Variants in ARL17B observed in about 807,000 individuals in gnomAD.
ARL17B encodes the protein ARF like GTPase 17B, also known as ADP-ribosylation factor-like protein 17.
intron 4 of ARL17B, among the ~76,000 whole-genome samples, chr17:46,281,652 T>C (rs897493273): frequency 6.6e-5 from 10 of 152,176 alleles, no homozygotes; most frequent in Non-Finnish European, 1.5e-4. Context: ...TTGGGAATTT[T>C]TTCTTCTTCT....
At chr17:46,298,756 G>T (rs1354578077), downstream of ARL17B, among the ~76,000 whole-genome samples, 1 of 96,602 alleles carries the variant, frequency 1.0e-5, no homozygotes, top group Non-Finnish European at 2.1e-5. Flanking sequence ...TGATAGGAGG[G>T]AAGAAAGAGA....
intron 4 of ARL17B, among the ~76,000 whole-genome samples, chr17:46,282,048 G>T (rs573644289): frequency 6.6e-6 from 1 of 152,060 alleles, no homozygotes; most frequent in South Asian, 2.1e-4. Flanking sequence ...TAATTCCTTT[G>T]CTGAGAATAA....
intron 4 of ARL17B, among the ~76,000 whole-genome samples, chr17:46,277,198 C>T (rs1162065573): frequency 8.5e-5 from 13 of 152,188 alleles, no homozygotes; most frequent in Non-Finnish European, 1.5e-4. Flanking sequence ...TATTAAAAAG[C>T]TACATAAAAT....
intron 4 of ARL17B, among the ~76,000 whole-genome samples, chr17:46,287,398 TG>T (rs2049948434): frequency 6.6e-6 from 1 of 152,242 alleles, no homozygotes; most frequent in Non-Finnish European, 1.5e-5. Flanking sequence ...GGTTTAAAAA[TG>T]TATCTCACAA....
intron 4 of ARL17B, among the ~76,000 whole-genome samples, chr17:46,281,054 G>T (rs1216371146): frequency 2.0e-5 from 3 of 152,126 alleles, no homozygotes; most frequent in African/African-American, 7.2e-5. Flanking sequence ...AGCACTAAAT[G>T]TTGTAGCGGA....
At position 46,334,905 on chromosome 17, in the gene ARL17B, A is replaced by G. The variant is rs2052229755; in HGVS notation, c.*4595T>C. On this transcript the variant is annotated 3_prime_UTR_variant, in exon 4 of 4. Transcript: ENST00000450673. ...AAAGTACAATATAACAACTGTCAAC[A>G]ATGTACAATATGTATACATTTTATT... 7.8e-6 allele frequency: 1 copy of G among 128,762 alleles called. No individual in the cohort carries two copies. Among genetic ancestry groups the G allele is most frequent in the Non-Finnish European group, 1.7e-5 (1 of 57,926 alleles). The allele number at this position is 128,762 out of a possible 1,614,324, so 8.0% of individuals were successfully genotyped here. A position where few individuals can be genotyped will look rare whatever the true frequency, so the allele number is the denominator to read the frequency against.
At chr17:46,275,703 T>C (rs1567848264) in intron 4 of ARL17B, among the ~76,000 whole-genome samples, 1 of 152,202 alleles carries the variant, frequency 6.6e-6, no homozygotes, top group African/African-American at 2.4e-5. Context: ...ACTGGACAAA[T>C]AGAGACATTT....
chr17:46,344,654 CT>C (rs1156952613), intron 3 of ARL17B, among the ~76,000 whole-genome samples: 1 of 63,134 alleles, frequency 1.6e-5, no homozygotes, highest in East Asian at 3.9e-4. Flanking sequence ...CAAAAAATTA[CT>C]TTGCAATTTG....
At chr17:46,281,928 G>A (rs1410905249) in intron 4 of ARL17B, among the ~76,000 whole-genome samples, 4 of 151,728 alleles carry the variant, frequency 2.6e-5, no homozygotes, top group Non-Finnish European at 5.9e-5. Flanking sequence ...ACAGGCATGA[G>A]CCATCACGCC....
chr17:46,288,690 C>T (rs1393850509), intron 4 of ARL17B, among the ~76,000 whole-genome samples: 1 of 151,024 alleles, frequency 6.6e-6, no homozygotes, highest in Non-Finnish European at 1.5e-5. Context: ...GGCTTCTTTA[C>T]TGCATCTTGT....
intron 4 of ARL17B, among the ~76,000 whole-genome samples, chr17:46,290,001 G>A (rs1415762963): frequency 6.6e-6 from 1 of 152,224 alleles, no homozygotes; most frequent in Non-Finnish European, 1.5e-5. Context: ...TGCCTGTAGT[G>A]CCAACTACTT....
intron 3 of ARL17B, among the ~76,000 whole-genome samples, chr17:46,327,601 A>C (rs1478340908): frequency 1.1e-4 from 1 of 8,708 alleles, no homozygotes; most frequent in African/African-American, 2.0e-4. Flanking sequence ...ATAAAAAATA[A>C]TAATTTTCCC....
chr17:46,361,573 TTC>T, intron 1 of ARL17B, 101 bp downstream of exon 1: 1 of 68,062 alleles, frequency 1.5e-5, no homozygotes, highest in Non-Finnish European at 2.6e-5. Context: ...CCCAATCCCT[TTC>T]CGAAAGCCAC....
intron 2 of ARL17B, 24 bp from the exon 3 acceptor site, chr17:46,352,954 TTTAA>T (rs1282461263): frequency 1.8e-6 from 1 of 567,962 alleles, no homozygotes; most frequent in East Asian, 3.0e-5. Flanking sequence ...GGGGAAAACA[TTTAA>T]TTATGATTTG....
intron 4 of ARL17B, among the ~76,000 whole-genome samples, chr17:46,277,737 C>T (rs185680907): frequency 2.4e-4 from 36 of 151,978 alleles, no homozygotes; most frequent in Admixed American, 1.5e-3. Context: ...ACCTCCTCCT[C>T]CTGGGTTCAA....
At chr17:46,287,480 C>T (rs551879250) in intron 4 of ARL17B, among the ~76,000 whole-genome samples, 4 of 152,302 alleles carry the variant, frequency 2.6e-5, no homozygotes, top group African/African-American at 9.6e-5. Flanking sequence ...TGCAGGTCAG[C>T]CAGGTGTAGA....
chr17:46,285,392 C>T (rs2049878554), intron 4 of ARL17B, among the ~76,000 whole-genome samples: 1 of 152,110 alleles, frequency 6.6e-6, no homozygotes, highest in African/African-American at 2.4e-5. Context: ...AGGCTCACGC[C>T]ACCACACCCG....
chr17:46,285,744 C>T (rs180793761), intron 4 of ARL17B, among the ~76,000 whole-genome samples: 1 of 152,300 alleles, frequency 6.6e-6, no homozygotes, highest in African/African-American at 2.4e-5. Context: ...TGAAGTTTGT[C>T]AAGCCCTTCA....
intron 3 of ARL17B, among the ~76,000 whole-genome samples, chr17:46,319,212 A>ATTTTTTTTT (rs1225879085): frequency 1.8e-3 from 3 of 1,640 alleles, no homozygotes; most frequent in East Asian, 5.2e-3. Context: ...ATTGTGGTCA[A>ATTTTTTTTT]TTTTTTTTTT....
Sources: gnomAD v4.1 joint callset for allele counts (sites outside exome capture counted in the v4.1 genomes callset) on GRCh38, gnomAD v4.1.1 for gene constraint, MANE v1.5 for transcripts, NCBI Gene and HGNC (gene_info 2026-07-23, HGNC 2026-07-21) for gene names.